The following KCNIP4 variants were observed in gnomAD, a reference collection of about 807,000 sequenced individuals.
KCNIP4 encodes the protein Kv channel-interacting protein 4.
KCNIP4 carries 12 observed loss-of-function variants against 34.0 expected under a neutral mutation model. The observed-to-expected ratio is 0.35, with a 90% CI of 0.23 to 0.57. The LOEUF (loss-of-function observed/expected upper bound fraction) is 0.57, where lower values mean the gene tolerates loss of function less well. Among genes scored for constraint, KCNIP4 ranks in the 20% least tolerant of loss-of-function variants. KCNIP4 has a pLI of 0.83. For missense variants in KCNIP4, 238 were observed against 311.7 expected, an observed-to-expected ratio of 0.76 and a Z score of 1.78; for synonymous variants, 124 against 102.2, an observed-to-expected ratio of 1.21 and a Z score of -1.29.
chr4:21,395,942 G>T (rs967016765), intron 1 of KCNIP4, among the ~76,000 whole-genome samples: 2 of 151,926 alleles, frequency 1.3e-5, no homozygotes, highest in Non-Finnish European at 2.9e-5. Flanking sequence ...TAGAAAACAT[G>T]CTTTTTATTC....
intron 1 of KCNIP4, among the ~76,000 whole-genome samples, chr4:21,681,373 T>C (rs961990388): frequency 2.6e-5 from 4 of 152,132 alleles, no homozygotes; most frequent in Non-Finnish European, 4.4e-5. Context: ...TCCCAAAGTG[T>C]TGGGATTACA....
intron 1 of KCNIP4, among the ~76,000 whole-genome samples, chr4:21,723,571 A>G (rs1404876258): frequency 6.6e-6 from 1 of 152,112 alleles, no homozygotes; most frequent in Non-Finnish European, 1.5e-5. Flanking sequence ...ACAAGGTTAA[A>G]AAAGCACAAA....
At chr4:20,889,547 A>G (rs554545599) in intron 1 of KCNIP4, among the ~76,000 whole-genome samples, 1 of 152,226 alleles carries the variant, frequency 6.6e-6, no homozygotes, top group South Asian at 2.1e-4. Flanking sequence ...GTGTCAGTGG[A>G]AGTCGTAAGA....
intron 2 of KCNIP4, among the ~76,000 whole-genome samples, chr4:20,862,154 C>A (rs1291531078): frequency 6.6e-6 from 1 of 151,884 alleles, no homozygotes; most frequent in African/African-American, 2.4e-5. Context: ...CCACACCTGG[C>A]TAATTTTTGT....
At chr4:21,767,579 CT>C (rs936649059) in intron 1 of KCNIP4, among the ~76,000 whole-genome samples, 8 of 151,922 alleles carry the variant, frequency 5.3e-5, no homozygotes, top group African/African-American at 1.2e-4. Context: ...GGTTAATTAG[CT>C]TTTTTTAGCT....
At chr4:20,864,566 T>C (rs899607370) in intron 2 of KCNIP4, among the ~76,000 whole-genome samples, 1 of 151,956 alleles carries the variant, frequency 6.6e-6, no homozygotes, top group African/African-American at 2.4e-5. Context: ...GGTTCCAGGA[T>C]TCATGTAATA....
chr4:21,226,350 G>C (rs961095905), intron 1 of KCNIP4, among the ~76,000 whole-genome samples: 5 of 124,616 alleles, frequency 4.0e-5, no homozygotes, highest in Non-Finnish European at 8.3e-5. Flanking sequence ...GGAAGAGAAG[G>C]AAGAGAAGGA....
intron 3 of KCNIP4, chr4:20,767,176 C>T (rs1433415126): frequency 1.3e-5 from 2 of 152,154 alleles, no homozygotes; most frequent in African/African-American, 4.8e-5. Context: ...GTGGTTGAAT[C>T]TAGAATAACA....
intron 1 of KCNIP4, among the ~76,000 whole-genome samples, chr4:21,379,425 ATAT>A: frequency 6.6e-6 from 1 of 152,280 alleles, no homozygotes; most frequent in South Asian, 2.1e-4. Context: ...AAGGTATGTC[ATAT>A]TATGCCACTA....
At chr4:21,858,191 G>A (rs564474962) in intron 1 of KCNIP4, among the ~76,000 whole-genome samples, 1 of 152,346 alleles carries the variant, frequency 6.6e-6, no homozygotes, top group Non-Finnish European at 1.5e-5. Context: ...CAGGTCAAGA[G>A]GGCCCAGTGG....
At chr4:21,425,729 C>T (rs1213407703) in intron 1 of KCNIP4, among the ~76,000 whole-genome samples, 1 of 152,044 alleles carries the variant, frequency 6.6e-6, no homozygotes, top group Non-Finnish European at 1.5e-5. Flanking sequence ...AACACATTTG[C>T]CTTCACTGTT....
At chr4:20,975,897 G>A (rs1377073682) in intron 1 of KCNIP4, among the ~76,000 whole-genome samples, 1 of 152,188 alleles carries the variant, frequency 6.6e-6, no homozygotes, top group Non-Finnish European at 1.5e-5. Flanking sequence ...AATTGTATGG[G>A]ATTCAAAGAG....
At chr4:21,720,013 AAGAAGGAGAAGG>A (rs71191538) in intron 1 of KCNIP4, among the ~76,000 whole-genome samples, 11,773 of 131,134 alleles carry the variant, frequency 0.09, 1,781 homozygotes, top group African/African-American at 0.35. Context: ...AAAGAAGAAG[AAGAAGGAGAAGG>A]AGAAGGAGAA....
chr4:21,413,901 C>T (rs1333175282), intron 1 of KCNIP4, among the ~76,000 whole-genome samples: 1 of 152,114 alleles, frequency 6.6e-6, no homozygotes, highest in Non-Finnish European at 1.5e-5. Context: ...CACTTTTAAC[C>T]AAGTCCCATT....
chr4:21,533,727 A>T (rs1162953090), intron 1 of KCNIP4, among the ~76,000 whole-genome samples: 1 of 152,188 alleles, frequency 6.6e-6, no homozygotes, highest in Non-Finnish European at 1.5e-5. Context: ...CTCAGCGAAT[A>T]CTATAAAACC....
chr4:21,586,041 A>G (rs1741583949), intron 1 of KCNIP4, among the ~76,000 whole-genome samples: 1 of 152,084 alleles, frequency 6.6e-6, no homozygotes, highest in South Asian at 2.1e-4. Flanking sequence ...GTGTGACACT[A>G]TACTAAGCAC....
Position 21,155,196 on chromosome 4 carries a change from T to C in KCNIP4, c.62-272487A>G, listed in dbSNP as rs79568418. 1.8e-3 allele frequency among the ~76,000 whole-genome samples: 274 copies of C among 152,210 alleles called. 2 individuals carry two copies. The highest frequency in any genetic ancestry group is 6.1e-3 in the African/African-American group (255 of 41,524). On this transcript the variant is annotated intron_variant, in intron 1 of 8. Coordinates refer to ENST00000382152, the MANE Select transcript of KCNIP4 (RefSeq NM_025221.6). ...GCATGCCAGCCCTATTTTGCGTACC[T>C]CCAGACTTCCTTTATGAGAGAGAAA...
chr4:20,974,462 G>A (rs978902850), intron 1 of KCNIP4, among the ~76,000 whole-genome samples: 3 of 152,148 alleles, frequency 2.0e-5, no homozygotes, highest in Non-Finnish European at 2.9e-5. Context: ...ACTTGTATAG[G>A]AGAAGGAGTT....
chr4:21,666,701 G>C (rs1019328227), intron 1 of KCNIP4, among the ~76,000 whole-genome samples: 1 of 152,078 alleles, frequency 6.6e-6, no homozygotes, highest in African/African-American at 2.4e-5. Flanking sequence ...ATGCAGAGCA[G>C]CTTTACAGAC....
Sources: gnomAD v4.1 joint callset for allele counts (sites outside exome capture counted in the v4.1 genomes callset) on GRCh38, gnomAD v4.1.1 for gene constraint, MANE v1.5 for transcripts, NCBI Gene and HGNC (gene_info 2026-07-23, HGNC 2026-07-21) for gene names.